The following PPIE variants were observed in gnomAD, a reference collection of about 807,000 sequenced individuals.
The protein encoded by PPIE is peptidyl-prolyl cis-trans isomerase E.
A neutral mutation model predicts 38.4 loss-of-function variants in PPIE; 20 were observed. The observed-to-expected ratio is 0.52, with a 90% CI of 0.37 to 0.76. PPIE has a LOEUF of 0.76. Among genes scored for constraint, PPIE ranks in the 30% least tolerant of loss-of-function variants. The probability of loss-of-function intolerance (pLI) is 0.00; values close to 1 mark genes in which losing one functional copy is unlikely to be tolerated. For synonymous variants in PPIE, 142 were observed against 135.7 expected, an observed-to-expected ratio of 1.05 and a Z score of -0.32; for missense variants, 322 against 385.8, an observed-to-expected ratio of 0.83 and a Z score of 1.39.
intron 3 of PPIE, 177 bp downstream of exon 3, chr1:39,741,586 A>G (rs1647058376): frequency 1.4e-6 from 1 of 696,690 alleles, no homozygotes. Context: ...TGGACTGTGA[A>G]TAACATGTCA....
chr1:39,758,678 T>C (rs1569744213), downstream of PPIE: 1 of 152,316 alleles, frequency 6.6e-6, no homozygotes, highest in East Asian at 1.9e-4. Flanking sequence ...AGATAGAAAA[T>C]GGAGGCGCAG....
chr1:39,755,469 C>T lies in PPIE; in HGVS notation c.*2114C>T, dbSNP rs894924229. The T allele has an allele frequency of 8.1e-6, 8 of 985,304 alleles. No individual in the cohort carries two copies. The highest frequency in any genetic ancestry group is 5.2e-5 in the African/African-American group (3 of 57,230). The allele number at this position is 985,304 out of a possible 1,614,324, so 61.0% of individuals were successfully genotyped here. A position where few individuals can be genotyped will look rare whatever the true frequency, so the allele number is the denominator to read the frequency against. ...ATGGTTACCCCTCACCCCTATGGAG[C>T]TTCCAAAAGAGACCCTCCCTCAAAG... On this transcript the variant is annotated 3_prime_UTR_variant, in exon 10 of 10. Coordinates refer to ENST00000324379, the MANE Select transcript of PPIE (RefSeq NM_006112.4).
chr1:39,749,305 A>G (rs945496088), intron 8 of PPIE, among the ~76,000 whole-genome samples: 2 of 151,968 alleles, frequency 1.3e-5, no homozygotes, highest in African/African-American at 4.8e-5. Context: ...CACAATTCCT[A>G]TTAGCCCCGC....
intron 2 of PPIE, 71 bp downstream of exon 2, chr1:39,740,334 C>A: frequency 7.9e-7 from 1 of 1,260,264 alleles, no homozygotes; most frequent in Non-Finnish European, 1.1e-6. Context: ...AGTCACATCA[C>A]AATTCTAAAT....
intron 8 of PPIE, among the ~76,000 whole-genome samples, chr1:39,751,364 G>A (rs545050410): frequency 6.7e-6 from 1 of 149,522 alleles, no homozygotes; most frequent in Admixed American, 6.6e-5. Flanking sequence ...TTGTTGTTTG[G>A]TTTTTGTTTT....
At chr1:39,739,448 C>G (rs1376131363) in intron 1 of PPIE, among the ~76,000 whole-genome samples, 2 of 135,758 alleles carry the variant, frequency 1.5e-5, no homozygotes, top group African/African-American at 5.1e-5. Context: ...AGCCCCAGCC[C>G]CTGCCATAAA....
In PPIE at chr1:39,753,288, C is replaced by T. The variant is rs868573979; in HGVS notation, c.839C>T (p.Ala280Val). 6.2e-7 allele frequency: 1 copy of T among 1,614,120 alleles called. No individual in the cohort carries two copies. Among genetic ancestry groups the T allele is most frequent in the Non-Finnish European group, 8.5e-7 (1 of 1,179,968 alleles). Residue 280 changes from alanine to valine, a missense_variant and splice_region_variant, in exon 10 of 10, where the codon GCC (alanine) becomes GTC (valine). By Grantham distance (64) the Ala-to-Val change is moderately conservative. Transcript: ENST00000324379. ...CCTCACTTCTATTCTGCCACAAAGG[C>T]CCAGGGCAGCAAGGACGGGAAGCCA... Reference protein sequence around the residue: ...EGLDVLRQIEAQGSKDGKPKQ... With the variant: ...EGLDVLRQIEVQGSKDGKPKQ...
chr1:39,745,680 A>G (rs113018707), intron 7 of PPIE, 182 bp downstream of exon 7: 3 of 872,770 alleles, frequency 3.4e-6, no homozygotes, highest in Non-Finnish European at 5.1e-6. Flanking sequence ...TTGAAGCTTT[A>G]TAAGTGCTGG....
At chr1:39,752,842 C>T in intron 8 of PPIE, 68 bp from the exon 9 acceptor site, 1 of 1,556,762 alleles carries the variant, frequency 6.4e-7, no homozygotes, top group Non-Finnish European at 8.7e-7. Context: ...CTGTCAACAG[C>T]CTGCACAGAC....
chr1:39,758,049 T>A (rs771658608), downstream of PPIE: 1 of 152,244 alleles, frequency 6.6e-6, no homozygotes, highest in Non-Finnish European at 1.5e-5. Flanking sequence ...TCAGGTAGTT[T>A]ACAGACATTC....
At chr1:39,760,755 A>G (rs2124411467), downstream of PPIE, among the ~76,000 whole-genome samples, 1 of 152,262 alleles carries the variant, frequency 6.6e-6, no homozygotes, top group South Asian at 2.1e-4. Context: ...TGGGAGCTGT[A>G]GTAACACGCA....
rs369671969 is a variant in PPIE, at chr1:39,755,374, G to A, written c.*2019G>A. ...GCCCTACCTCTGGCTCCCATGTGCC[G>A]ACTGGACTTTGTGAGCTCCAGCTGC... On this transcript the variant is annotated 3_prime_UTR_variant, in exon 10 of 10. Transcript: ENST00000324379. 2.1e-4 allele frequency: 205 copies of A among 985,416 alleles called. No individual in the cohort carries two copies. The African/African-American group carries it at 2.1e-3, about 10-fold the overall frequency. The allele number at this position is 985,416 out of a possible 1,614,324, so 61.0% of individuals were successfully genotyped here.
chr1:39,756,718 A>AT lies in PPIE; in HGVS notation c.*3366dup. Reference sequence around the variant, plus strand: ...ATATCTGTAATATGTAAGCATAGGTATTTGTATATCTTAAGAAAAAAAGCC... The same window carrying AT: ...ATATCTGTAATATGTAAGCATAGGTATTTTGTATATCTTAAGAAAAAAAGCC... On this transcript the variant is annotated 3_prime_UTR_variant, in exon 10 of 10. Transcript: ENST00000324379. The AT allele has an allele frequency of 1.8e-6, 1 of 568,452 alleles. No homozygotes were observed. Among genetic ancestry groups the AT allele is most frequent in the Non-Finnish European group, 2.2e-6 (1 of 449,244 alleles). The allele number at this position is 568,452 out of a possible 1,614,324, so 35.2% of individuals were successfully genotyped here.
At chr1:39,747,396 T>C (rs1355404272) in intron 7 of PPIE, 1 of 151,710 alleles carries the variant, frequency 6.6e-6, no homozygotes, top group Non-Finnish European at 1.5e-5. Flanking sequence ...CCACAGTGGC[T>C]GGACCATTTT....
At chr1:39,758,109 A>C (rs1039582117), downstream of PPIE, 3 of 152,258 alleles carry the variant, frequency 2.0e-5, no homozygotes, top group Admixed American at 1.3e-4. Flanking sequence ...CTAAAGATAC[A>C]GGTGGAGTAA....
At chr1:39,752,849 A>G in intron 8 of PPIE, 61 bp from the exon 9 acceptor site, 1 of 1,571,940 alleles carries the variant, frequency 6.4e-7, no homozygotes, top group Non-Finnish European at 8.6e-7. Flanking sequence ...CAGCCTGCAC[A>G]GACGTCCTTT....
rs375485659 is a variant in PPIE at position 39,748,951 on chromosome 1, G to A, written c.557G>A (p.Gly186Glu). Residue 186 changes from glycine (G) to glutamate (E), a missense_variant, in exon 8 of 10, where the codon GGA (glycine) becomes GAA (glutamate). Transcript: ENST00000324379. ...CTHEKGFGFK[G>E]SSFHRIIPQF... ...CATGAAAAGGGCTTTGGCTTTAAGG[G>A]AAGCAGCTTCCACCGCATCATCCCC... The A allele has an allele frequency of 3.7e-6, 6 of 1,614,032 alleles. No individual in the cohort carries two copies. Among genetic ancestry groups the A allele is most frequent in the Non-Finnish European group, 5.1e-6 (6 of 1,180,032 alleles).
rs1352497447 is a variant in PPIE at position 39,756,274 on chromosome 1, C to T, written c.*2919C>T. 3.0e-6 allele frequency: 3 copies of T among 985,480 alleles called. No individual in the cohort carries two copies. Among genetic ancestry groups the T allele is most frequent in the Non-Finnish European group, 3.6e-6 (3 of 829,934 alleles). 61.0% of individuals were successfully genotyped at this position (985,480 alleles called of 1,614,324 possible). On this transcript the variant is annotated 3_prime_UTR_variant, in exon 10 of 10. Coordinates refer to ENST00000324379, the MANE Select transcript of PPIE (RefSeq NM_006112.4). ...GGCTTTCCCTGGGACTGTGTGGCTC[C>T]TGTCCCAACTGGCCTCCCCATTCCA... is the stretch of plus-strand genomic sequence containing the variant.
At chr1:39,740,575 T>G (rs1569628366) in intron 2 of PPIE, among the ~76,000 whole-genome samples, 1 of 152,312 alleles carries the variant, frequency 6.6e-6, no homozygotes, top group Middle Eastern at 3.4e-3. Flanking sequence ...ACCTGATGGG[T>G]ACCCCATCCC....
Sources: gnomAD v4.1 joint callset for allele counts (sites outside exome capture counted in the v4.1 genomes callset) on GRCh38, gnomAD v4.1.1 for gene constraint, MANE v1.5 for transcripts, NCBI Gene and HGNC (gene_info 2026-07-23, HGNC 2026-07-21) for gene names.